The following TESC variants were observed in gnomAD, a reference collection of about 807,000 sequenced individuals.
TESC encodes the protein tescalcin.
In TESC, 19 loss-of-function variants were observed where a neutral mutation model predicts 31.0. That is an observed-to-expected ratio of 0.61 (90% confidence interval 0.43 to 0.90). The LOEUF (loss-of-function observed/expected upper bound fraction) is 0.90, where lower values mean the gene tolerates loss of function less well. Ranked by LOEUF, TESC falls within the 40% of genes least tolerant of loss-of-function variation. The probability of loss-of-function intolerance (pLI) is 0.00; values close to 1 mark genes in which losing one functional copy is unlikely to be tolerated. For missense variants in TESC, 248 were observed against 303.8 expected (o/e 0.82, Z 1.36); for synonymous variants, 109 against 114.8 (o/e 0.95, Z 0.32).
chr12:117,049,178 G>C lies in TESC; in HGVS notation c.210-20C>G. The C allele has an allele frequency of 6.2e-7, 1 of 1,613,892 alleles. No individual in the cohort carries two copies. The highest frequency in any genetic ancestry group is 8.5e-7 in the Non-Finnish European group (1 of 1,179,896). ...AGGTTCCTACGGGAGCAACAAGGAG[G>C]GTGTTGGAAATAAATGAAGAACTGG... On this transcript the variant is annotated intron_variant, in intron 3 of 7. Transcript: ENST00000335209.
rs5801210 is a variant in TESC, at chr12:117,058,745, T to TTA, written c.129-1860_129-1859insTA. On this transcript the variant is annotated intron_variant, in intron 2 of 7. Transcript: ENST00000335209. ...GTGATACAGTGAGACTCCAATCTCT[T>TTA]AAAAAAAAAAAAAAAAAGGCAAAAA... 1.4e-3 allele frequency among the ~76,000 whole-genome samples: 174 copies of TTA among 124,166 alleles called. 1 individual carries two copies. The highest frequency in any genetic ancestry group is 5.2e-3 in the African/African-American group (171 of 32,784). The allele number at this position is 124,166 out of a possible 152,430, so 81.5% of individuals were successfully genotyped here. A position where few individuals can be genotyped will look rare whatever the true frequency, so the allele number is the denominator to read the frequency against.
Position 117,075,847 on chromosome 12 carries a change from GTATATATATATATATATATATA to G in TESC, c.59-529_59-508del, listed in dbSNP as rs57455838. 1.9e-3 allele frequency among the ~76,000 whole-genome samples: 127 copies of G among 67,174 alleles called. 4 individuals are homozygous for G. The highest frequency in any genetic ancestry group is 7.4e-3 in the African/African-American group (116 of 15,602). 44.1% of individuals were successfully genotyped at this position (67,174 alleles called of 152,430 possible). A position where few individuals can be genotyped will look rare whatever the true frequency, so the allele number is the denominator to read the frequency against. ...GCCCGGCTAATTTTCGTGTGTGTGTGTATATATATATATATATATATATGTGTGTATATATATATATATATAT... is the reference window on the plus strand; with the variant it reads ...GCCCGGCTAATTTTCGTGTGTGTGTGTGTGTGTATATATATATATATATAT... On this transcript the variant is annotated intron_variant, in intron 1 of 7. Transcript: ENST00000335209.
At chr12:117,080,712 A>G (rs1487674614) in intron 1 of TESC, among the ~76,000 whole-genome samples, 1 of 152,114 alleles carries the variant, frequency 6.6e-6, no homozygotes, top group Non-Finnish European at 1.5e-5. Flanking sequence ...AGCTGGTCTA[A>G]CCCAACATGT....
chr12:117,091,745 C>T (rs538194855), intron 1 of TESC, among the ~76,000 whole-genome samples: 14 of 152,204 alleles, frequency 9.2e-5, no homozygotes, highest in Non-Finnish European at 1.8e-4. Context: ...CTGGGGGCAA[C>T]CCACCTAGAT....
At chr12:117,068,895 T>C (rs2135777507) in intron 2 of TESC, among the ~76,000 whole-genome samples, 1 of 152,294 alleles carries the variant, frequency 6.6e-6, no homozygotes, top group South Asian at 2.1e-4. Context: ...GTTTAAAACA[T>C]TTACCAGTTA....
At chr12:117,083,022 G>C (rs916175158) in intron 1 of TESC, among the ~76,000 whole-genome samples, 13 of 151,718 alleles carry the variant, frequency 8.6e-5, no homozygotes, top group African/African-American at 3.1e-4. Context: ...GTGGAAAACA[G>C]TTTGGTAGTT....
chr12:117,048,467 G>C (rs1371374481), intron 4 of TESC, among the ~76,000 whole-genome samples: 3 of 152,170 alleles, frequency 2.0e-5, no homozygotes, highest in African/African-American at 7.2e-5. Flanking sequence ...TGTGACTCGG[G>C]GCACTGCCTG....
At chr12:117,043,196 G>A (rs969443939) in intron 6 of TESC, among the ~76,000 whole-genome samples, 7 of 152,040 alleles carry the variant, frequency 4.6e-5, no homozygotes, top group African/African-American at 1.7e-4. Context: ...ACATCGGTTC[G>A]ATTATGTTTT....
intron 3 of TESC, among the ~76,000 whole-genome samples, chr12:117,056,474 A>G (rs1057514610): frequency 6.7e-6 from 1 of 149,758 alleles, no homozygotes; most frequent in Admixed American, 6.6e-5. Flanking sequence ...TCTGGCCTCA[A>G]GTATCCTCCC....
intron 1 of TESC, among the ~76,000 whole-genome samples, chr12:117,079,839 T>A (rs1955122349): frequency 6.6e-6 from 1 of 152,212 alleles, no homozygotes. Context: ...GTGATTATAC[T>A]AAAACTATGG....
At chr12:117,056,908 T>A in intron 2 of TESC, 22 bp from the exon 3 acceptor site, 1 of 1,612,474 alleles carries the variant, frequency 6.2e-7, no homozygotes. Context: ...GAAGGAGAGA[T>A]ACCGGGAAGA....
intron 1 of TESC, among the ~76,000 whole-genome samples, 199 bp from the exon 2 acceptor site, chr12:117,075,539 A>G (rs1324843321): frequency 6.6e-6 from 1 of 152,098 alleles, no homozygotes; most frequent in Non-Finnish European, 1.5e-5. Context: ...ACAGCTCTGC[A>G]GTCATCAGTT....
At chr12:117,061,675 A>G (rs1593004306) in intron 2 of TESC, among the ~76,000 whole-genome samples, 1 of 152,018 alleles carries the variant, frequency 6.6e-6, no homozygotes, top group East Asian at 1.9e-4. Flanking sequence ...CTCCATAGGC[A>G]CCTGCTACAT....
At chr12:117,050,978 C>T (rs1954640156) in intron 3 of TESC, among the ~76,000 whole-genome samples, 1 of 152,156 alleles carries the variant, frequency 6.6e-6, no homozygotes, top group African/African-American at 2.4e-5. Flanking sequence ...GCTCCTGACC[C>T]ACTGTCGTCA....
intron 2 of TESC, among the ~76,000 whole-genome samples, chr12:117,068,841 A>T (rs1010378871): frequency 2.0e-5 from 3 of 152,234 alleles, no homozygotes; most frequent in Non-Finnish European, 4.4e-5. Flanking sequence ...TATTTCTGGC[A>T]TTTATAAGCC....
At chr12:117,088,423 G>A (rs1267057610) in intron 1 of TESC, among the ~76,000 whole-genome samples, 1 of 152,222 alleles carries the variant, frequency 6.6e-6, no homozygotes, top group East Asian at 1.9e-4. Flanking sequence ...GCTCATGCCT[G>A]TAATCCCAGC....
At chr12:117,068,516 G>A (rs1954917978) in intron 2 of TESC, among the ~76,000 whole-genome samples, 3 of 152,112 alleles carry the variant, frequency 2.0e-5, no homozygotes, top group East Asian at 1.9e-4. Context: ...CTGACAGAGC[G>A]AGACTCTGTC....
intron 1 of TESC, among the ~76,000 whole-genome samples, chr12:117,095,410 G>C (rs766001395): frequency 2.0e-5 from 3 of 152,152 alleles, no homozygotes; most frequent in East Asian, 3.9e-4. Context: ...AAAGGCTCCC[G>C]TACGTAAACA....
chr12:117,075,867 A>C (rs1235482716), intron 1 of TESC, among the ~76,000 whole-genome samples: 1 of 30,108 alleles, frequency 3.3e-5, no homozygotes, highest in African/African-American at 1.3e-4. Context: ...ATATATATAT[A>C]TATGTGTGTA....
Sources: allele counts gnomAD v4.1 joint callset (sites outside exome capture counted in the v4.1 genomes callset), GRCh38; gene constraint gnomAD v4.1.1; transcripts MANE v1.5; gene names NCBI Gene and HGNC (gene_info 2026-07-23, HGNC 2026-07-21).